PDE7B: variants seen among roughly 807,000 people sequenced by gnomAD.
The protein encoded by PDE7B is phosphodiesterase 7B.
A neutral mutation model predicts 56.2 loss-of-function variants in PDE7B; 29 were observed. The ratio of observed to expected loss-of-function variants is 0.52; its 90% CI spans 0.38 to 0.70. PDE7B has a LOEUF of 0.70. Ranked by LOEUF, PDE7B falls within the 30% of genes least tolerant of loss-of-function variation. The pLI is 0.00. For synonymous variants in PDE7B, 197 were observed against 196.9 expected (o/e 1.00, Z 0.00); for missense variants, 490 against 565.0 (o/e 0.87, Z 1.35).
At chr6:136,046,912 CCTT>C (rs1776519204) in intron 2 of PDE7B, among the ~76,000 whole-genome samples, 1 of 152,170 alleles carries the variant, frequency 6.6e-6, no homozygotes, top group Admixed American at 6.5e-5. Context: ...ATATCAGCTC[CCTT>C]CTTTTCTTCT....
intron 1 of PDE7B, among the ~76,000 whole-genome samples, chr6:135,903,857 G>C (rs1037927230): frequency 2.6e-5 from 4 of 152,154 alleles, no homozygotes; most frequent in African/African-American, 7.2e-5. Flanking sequence ...ATCCTCTATA[G>C]GGTGCCCTAG....
intron 2 of PDE7B, among the ~76,000 whole-genome samples, chr6:135,959,739 A>G (rs1774864079): frequency 6.6e-6 from 1 of 151,510 alleles, no homozygotes; most frequent in Admixed American, 6.6e-5. Context: ...AATTTAACAG[A>G]CATTTGGAAT....
intron 3 of PDE7B, among the ~76,000 whole-genome samples, chr6:136,117,839 G>A (rs1777866335): frequency 1.3e-5 from 2 of 152,122 alleles, no homozygotes; most frequent in African/African-American, 4.8e-5. Context: ...ACCAAACCAC[G>A]GCTGCCTCTC....
At chr6:136,138,064 G>A (rs1164386074) in intron 3 of PDE7B, among the ~76,000 whole-genome samples, 1 of 152,024 alleles carries the variant, frequency 6.6e-6, no homozygotes, top group Non-Finnish European at 1.5e-5. Context: ...TAGGATAACT[G>A]TAAATGCCTT....
At chr6:136,048,757 G>A (rs753593752) in intron 2 of PDE7B, among the ~76,000 whole-genome samples, 15 of 152,116 alleles carry the variant, frequency 9.9e-5, no homozygotes, top group African/African-American at 1.9e-4. Flanking sequence ...GCATACTAAC[G>A]AATATGTATA....
At chr6:136,157,959 G>A (rs374777484) in intron 8 of PDE7B, among the ~76,000 whole-genome samples, 23 of 152,114 alleles carry the variant, frequency 1.5e-4, no homozygotes, top group Non-Finnish European at 3.1e-4. Flanking sequence ...CAGTGCATAC[G>A]CTCTCTTTTG....
At chr6:136,108,850 T>A in intron 3 of PDE7B, 36 bp downstream of exon 3, 1 of 1,277,338 alleles carries the variant, frequency 7.8e-7, no homozygotes. Context: ...GGAACAAACG[T>A]TTTCTTCAAA....
intron 2 of PDE7B, among the ~76,000 whole-genome samples, chr6:135,955,545 G>A (rs1179641177): frequency 6.6e-6 from 1 of 152,160 alleles, no homozygotes; most frequent in Non-Finnish European, 1.5e-5. Flanking sequence ...GAAGGCAGGA[G>A]AGATTATGAA....
intron 1 of PDE7B, among the ~76,000 whole-genome samples, chr6:135,887,095 T>C (rs1306705718): frequency 2.6e-5 from 4 of 152,190 alleles, no homozygotes; most frequent in African/African-American, 9.6e-5. Flanking sequence ...GTGGTTTTCA[T>C]TTGCATTTCC....
intron 3 of PDE7B, among the ~76,000 whole-genome samples, chr6:136,110,632 C>T (rs1413123764): frequency 6.6e-6 from 1 of 151,450 alleles, no homozygotes; most frequent in South Asian, 2.1e-4. Flanking sequence ...TGTTAATAAG[C>T]AACTTTACTG....
intron 1 of PDE7B, among the ~76,000 whole-genome samples, chr6:135,931,144 T>C (rs1446800312): frequency 6.6e-6 from 1 of 152,190 alleles, no homozygotes; most frequent in Non-Finnish European, 1.5e-5. Context: ...AATTCGAAGA[T>C]AAAGACTAGT....
At chr6:136,089,753 T>C (rs1001271669) in intron 2 of PDE7B, among the ~76,000 whole-genome samples, 1 of 152,244 alleles carries the variant, frequency 6.6e-6, no homozygotes, top group Admixed American at 6.5e-5. Context: ...CAAAATATTT[T>C]TGAAAATTTC....
chr6:135,904,418 A>G (rs79864395), intron 1 of PDE7B, among the ~76,000 whole-genome samples: 1 of 152,290 alleles, frequency 6.6e-6, no homozygotes, highest in East Asian at 1.9e-4. Flanking sequence ...TTGCTTATGT[A>G]CTTGCTCTTG....
At chr6:136,022,567 C>T (rs1400558801) in intron 2 of PDE7B, among the ~76,000 whole-genome samples, 2 of 152,130 alleles carry the variant, frequency 1.3e-5, no homozygotes, top group African/African-American at 2.4e-5. Flanking sequence ...TGTGTAGTAA[C>T]CTTTTGCACC....
chr6:136,131,756 T>G (rs1367404552), intron 3 of PDE7B, among the ~76,000 whole-genome samples: 2 of 152,174 alleles, frequency 1.3e-5, no homozygotes, highest in Admixed American at 1.3e-4. Flanking sequence ...ATACTTCATT[T>G]GTACATTTAG....
At chr6:136,125,828 C>T (rs1314817647) in intron 3 of PDE7B, among the ~76,000 whole-genome samples, 2 of 152,026 alleles carry the variant, frequency 1.3e-5, no homozygotes, top group Non-Finnish European at 2.9e-5. Context: ...CAACAGCCTT[C>T]CCGGGGCGTT....
chr6:135,904,449 G>A (rs920794216), intron 1 of PDE7B, among the ~76,000 whole-genome samples: 4 of 151,876 alleles, frequency 2.6e-5, no homozygotes, highest in African/African-American at 4.8e-5. Context: ...TACCTTCCAC[G>A]CCACCACAAC....
intron 2 of PDE7B, chr6:136,038,435 A>G (rs1488861075): frequency 7.7e-7 from 1 of 1,290,460 alleles, no homozygotes; most frequent in Non-Finnish European, 1.0e-6. Context: ...GATGATCAGG[A>G]TGGTAAAGCT....
At chr6:135,952,564 G>C (rs1215752993) in intron 2 of PDE7B, among the ~76,000 whole-genome samples, 2 of 152,068 alleles carry the variant, frequency 1.3e-5, no homozygotes, top group East Asian at 3.9e-4. Context: ...CAACTCGACT[G>C]ATAAAGGCTA....
Sources: allele counts gnomAD v4.1 joint callset (sites outside exome capture counted in the v4.1 genomes callset), GRCh38; gene constraint gnomAD v4.1.1; transcripts MANE v1.5; gene names NCBI Gene and HGNC (gene_info 2026-07-23, HGNC 2026-07-21).